The following FGF12 variants were observed in gnomAD, a reference collection of about 807,000 sequenced individuals.
The protein encoded by FGF12 is fibroblast growth factor 12B.
FGF12 carries 14 observed loss-of-function variants against 23.6 expected under a neutral mutation model. That is an observed-to-expected ratio of 0.59 (90% CI 0.39 to 0.93). The LOEUF (loss-of-function observed/expected upper bound fraction) is 0.93, where lower values mean the gene tolerates loss of function less well. Among genes scored for constraint, FGF12 ranks in the 40% least tolerant of loss-of-function variants. The pLI is 0.00. For synonymous variants in FGF12, 62 were observed against 77.3 expected (o/e 0.80, Z 1.04); for missense variants, 175 against 217.8 (o/e 0.80, Z 1.24).
chr3:192,428,245 C>T (rs533503232), intron 2 of FGF12, among the ~76,000 whole-genome samples: 5 of 152,274 alleles, frequency 3.3e-5, no homozygotes, highest in Admixed American at 1.3e-4. Flanking sequence ...CTCCTCTACT[C>T]GACCATGATT....
chr3:192,505,247 A>G lies in FGF12; in HGVS notation c.14-144709T>C, dbSNP rs776483103. On this transcript the variant is annotated intron_variant, in intron 2 of 5. Transcript: ENST00000445105. The stretch of plus-strand genomic sequence containing the variant: ...CCTTACTTATATTTAAATAAAGTCA[A>G]TATGTACACATCATTAGAAACAGCA... 2.6e-5 allele frequency among the ~76,000 whole-genome samples: 4 copies of G among 152,382 alleles called. No homozygotes were observed. The South Asian group carries it at 6.2e-4, about 24-fold the overall frequency.
rs529491212 is a variant in FGF12 at position 192,439,712 on chromosome 3, C to G, written c.14-79174G>C. 3.7e-4 allele frequency among the ~76,000 whole-genome samples: 56 copies of G among 152,270 alleles called. No homozygotes were observed. The South Asian group carries it at 0.011, about 30-fold the overall frequency. On this transcript the variant is annotated intron_variant, in intron 2 of 5. Transcript: ENST00000445105. ...CATAACATGGCCAGGCGTGGTGGCT[C>G]ACGCCTGTAATCCCAGCACTTTGGG...
At chr3:192,466,035 G>A (rs1353160785) in intron 2 of FGF12, among the ~76,000 whole-genome samples, 2 of 152,106 alleles carry the variant, frequency 1.3e-5, no homozygotes, top group African/African-American at 4.8e-5. Context: ...CGATCACCAC[G>A]GAGCATACGT....
chr3:192,154,833 G>A (rs1204960084), intron 5 of FGF12, among the ~76,000 whole-genome samples: 2 of 146,218 alleles, frequency 1.4e-5, no homozygotes, highest in Non-Finnish European at 3.0e-5. Context: ...GAGCTGTGGT[G>A]GGCTCCACCC....
intron 2 of FGF12, among the ~76,000 whole-genome samples, chr3:192,640,786 A>C (rs1021348899): frequency 7.3e-6 from 1 of 137,312 alleles, no homozygotes; most frequent in African/African-American, 2.7e-5. Context: ...GAGAGTTAAA[A>C]CCCCTTTTTT....
intron 2 of FGF12, among the ~76,000 whole-genome samples, chr3:192,465,136 A>C (rs1722974217): frequency 6.6e-6 from 1 of 152,234 alleles, no homozygotes; most frequent in Non-Finnish European, 1.5e-5. Context: ...TTATTTGTTA[A>C]AAACTTATAG....
chr3:192,345,575 T>TACTC (rs1717916292), intron 3 of FGF12, among the ~76,000 whole-genome samples: 1 of 91,820 alleles, frequency 1.1e-5, no homozygotes, highest in Non-Finnish European at 1.8e-5. Context: ...TAGTCCCAGC[T>TACTC]ACTCGGGAGG....
intron 2 of FGF12, among the ~76,000 whole-genome samples, chr3:192,461,192 A>G (rs1722851672): frequency 1.3e-5 from 2 of 152,194 alleles, no homozygotes; most frequent in Admixed American, 1.3e-4. Context: ...TTGAATAACA[A>G]ATATACCTTG....
intron 2 of FGF12, among the ~76,000 whole-genome samples, chr3:192,607,846 T>TAAAAAAAAAAAAAA (rs36061162): frequency 8.2e-6 from 1 of 122,076 alleles, no homozygotes; most frequent in African/African-American, 3.2e-5. Context: ...CACTGAAAAT[T>TAAAAAAAAAAAAAA]AAAAAAAAAA....
chr3:192,176,198 AACC>A (rs1395690537), intron 4 of FGF12, among the ~76,000 whole-genome samples: 1 of 152,174 alleles, frequency 6.6e-6, no homozygotes, highest in East Asian at 1.9e-4. Context: ...CCCACTTCCT[AACC>A]CTCAAGCTGT....
chr3:192,167,773 T>TATATA (rs1560175832), intron 5 of FGF12, among the ~76,000 whole-genome samples: 15 of 12,546 alleles, frequency 1.2e-3, no homozygotes, highest in South Asian at 5.6e-3. Flanking sequence ...ATATATAAAA[T>TATATA]TTTTTTTTTT....
intron 5 of FGF12, among the ~76,000 whole-genome samples, chr3:192,156,375 C>T (rs187557478): frequency 2.2e-4 from 33 of 152,254 alleles, no homozygotes; most frequent in Non-Finnish European, 3.5e-4. Flanking sequence ...GACCTTGGGG[C>T]AACACTTGTG....
chr3:192,670,403 T>C (rs1299819306), intron 2 of FGF12, among the ~76,000 whole-genome samples: 1 of 152,176 alleles, frequency 6.6e-6, no homozygotes, highest in Non-Finnish European at 1.5e-5. Flanking sequence ...TAAAAGCACA[T>C]TAAAATCTTC....
intron 2 of FGF12, among the ~76,000 whole-genome samples, chr3:192,723,201 T>C (rs1180303719): frequency 6.6e-6 from 1 of 152,030 alleles, no homozygotes; most frequent in Non-Finnish European, 1.5e-5. Flanking sequence ...AAGTAAGTGA[T>C]TGGAGGATGA....
At chr3:192,493,713 G>A (rs1240885386) in intron 2 of FGF12, among the ~76,000 whole-genome samples, 1 of 152,142 alleles carries the variant, frequency 6.6e-6, no homozygotes, top group Non-Finnish European at 1.5e-5. Flanking sequence ...GAGGAAGAGA[G>A]AGAAAAGGGG....
At chr3:192,616,148 GA>G (rs1258794885) in intron 2 of FGF12, among the ~76,000 whole-genome samples, 1 of 151,844 alleles carries the variant, frequency 6.6e-6, no homozygotes, top group Non-Finnish European at 1.5e-5. Context: ...AAATTTTACT[GA>G]AAAAATTATC....
intron 2 of FGF12, among the ~76,000 whole-genome samples, chr3:192,577,661 T>C (rs754568464): frequency 2.6e-5 from 4 of 152,244 alleles, no homozygotes; most frequent in Non-Finnish European, 4.4e-5. Flanking sequence ...TAAAGTGATA[T>C]GATTGAGGTT....
chr3:192,615,730 AT>A lies in FGF12; in HGVS notation c.13+111450del, dbSNP rs201913815. On this transcript the variant is annotated intron_variant, in intron 2 of 5. Transcript: ENST00000445105. ...AGAAATCTAAATGTTTGGCAAGAAG[AT>A]AATGGTAAAATAAACAAAGCATGGC... Among the ~76,000 whole-genome samples, 1,189 of 152,208 alleles carry A rather than the reference AT, an allele frequency of 7.8e-3. 20 individuals carry two copies. The highest frequency in any genetic ancestry group is 0.027 in the African/African-American group (1,129 of 41,562).
At chr3:192,633,507 C>T (rs1329836512) in intron 2 of FGF12, among the ~76,000 whole-genome samples, 3 of 152,020 alleles carry the variant, frequency 2.0e-5, no homozygotes, top group Non-Finnish European at 2.9e-5. Flanking sequence ...TTAAAAGATT[C>T]CCCCAAATCA....
Sources: allele counts gnomAD v4.1 joint callset (sites outside exome capture counted in the v4.1 genomes callset), GRCh38; gene constraint gnomAD v4.1.1; transcripts MANE v1.5; gene names NCBI Gene and HGNC (gene_info 2026-07-23, HGNC 2026-07-21).